CPM: variants seen among roughly 807,000 people sequenced by gnomAD.
The protein encoded by CPM is carboxypeptidase M.
Under a neutral mutation model 46.4 loss-of-function variants are expected in CPM, and 35 were observed. The ratio of observed to expected loss-of-function variants is 0.75; its 90% confidence interval spans 0.58 to 1.00. The LOEUF (loss-of-function observed/expected upper bound fraction) is 1.00, where lower values mean the gene tolerates loss of function less well. CPM is among the 50% of genes least tolerant of loss of function. The probability of loss-of-function intolerance (pLI) is 0.00; values close to 1 mark genes in which losing one functional copy is unlikely to be tolerated. For synonymous variants in CPM, 195 were observed against 195.3 expected (o/e 1.00, Z 0.01); for missense variants, 422 against 530.4 (o/e 0.80, Z 2.01).
intron 2 of CPM, among the ~76,000 whole-genome samples, chr12:68,915,826 A>C (rs552591158): frequency 1.9e-4 from 29 of 152,226 alleles, no homozygotes; most frequent in Non-Finnish European, 3.7e-4. Flanking sequence ...ATCACCTACC[A>C]AGATATCATT....
chr12:68,906,002 A>C lies in CPM; in HGVS notation c.161-20113T>G, dbSNP rs995112593. 3.3e-5 allele frequency among the ~76,000 whole-genome samples: 5 copies of C among 152,162 alleles called. No individual in the cohort carries two copies. The South Asian group carries it at 1.0e-3, about 32-fold the overall frequency. On this transcript the variant is annotated intron_variant, in intron 2 of 8. Transcript: ENST00000551568. ...TGTTTCTTGGCCTTGCTGCAAGAAC[A>C]CCTTGGCATGCAGGACTCAAGCATC...
rs1424980073 is a variant in CPM at position 68,855,341 on chromosome 12, A to T, written c.*1096T>A. On this transcript the variant is annotated 3_prime_UTR_variant, in exon 9 of 9. Transcript: ENST00000551568. ...ACATGATGGGTTGGAGGTACCTGTGAGTCACATCCAGGTGGATGTGTCCTG... is the reference window on the plus strand; with the variant it reads ...ACATGATGGGTTGGAGGTACCTGTGTGTCACATCCAGGTGGATGTGTCCTG... 6 of 152,262 alleles carry T rather than the reference A, an allele frequency of 3.9e-5. No homozygotes were observed. Among genetic ancestry groups the T allele is most frequent in the African/African-American group, 1.4e-4 (6 of 41,420 alleles). The allele number at this position is 152,262 out of a possible 1,614,324, so 9.4% of individuals were successfully genotyped here. A position where few individuals can be genotyped will look rare whatever the true frequency, so the allele number is the denominator to read the frequency against.
At chr12:68,860,934 G>A (rs1264306921) in intron 7 of CPM, among the ~76,000 whole-genome samples, 2 of 151,526 alleles carry the variant, frequency 1.3e-5, no homozygotes, top group Non-Finnish European at 2.9e-5. Flanking sequence ...AGGCTGGAGT[G>A]CAGTGGTGTG....
chr12:68,951,665 C>T (rs1888937195), intron 1 of CPM, among the ~76,000 whole-genome samples: 1 of 152,096 alleles, frequency 6.6e-6, no homozygotes, highest in South Asian at 2.1e-4. Context: ...GTGCCAGCCC[C>T]CACCACCAGC....
At chr12:68,937,741 C>T (rs911219829), upstream of CPM, among the ~76,000 whole-genome samples, 4 of 152,118 alleles carry the variant, frequency 2.6e-5, no homozygotes, top group South Asian at 6.2e-4. Context: ...TGCAAATCCA[C>T]GAGTTGCAAT....
At position 68,856,423 on chromosome 12, in the gene CPM, T is replaced by A. The variant is rs775049087; in HGVS notation, c.*14A>T. 1 of 1,609,908 alleles carries A rather than the reference T, an allele frequency of 6.2e-7. No individual in the cohort carries two copies. The highest frequency in any genetic ancestry group is 8.5e-7 in the Non-Finnish European group (1 of 1,177,534). ...ATTCCAGGTGGTGATGTGGGTTGAG[T>A]TTCACATTTTACTTTATTTGAAGAA... is the stretch of plus-strand genomic sequence containing the variant. On this transcript the variant is annotated 3_prime_UTR_variant, in exon 9 of 9. Coordinates refer to ENST00000551568, the MANE Select transcript of CPM (RefSeq NM_198320.5).
chr12:68,963,364 G>A (rs1473403394), upstream of CPM: 1 of 153,290 alleles, frequency 6.5e-6, no homozygotes, highest in Non-Finnish European at 1.5e-5. Flanking sequence ...CATACTTTTT[G>A]AACCTAAGCA....
chr12:68,945,387 C>T (rs1179595926), intron 1 of CPM, among the ~76,000 whole-genome samples: 1 of 152,172 alleles, frequency 6.6e-6, no homozygotes, highest in African/African-American at 2.4e-5. Flanking sequence ...TTCTTGCTGT[C>T]ATAATCTTTG....
At chr12:68,952,469 G>A (rs1414605556) in intron 1 of CPM, among the ~76,000 whole-genome samples, 3 of 152,178 alleles carry the variant, frequency 2.0e-5, no homozygotes, top group Non-Finnish European at 4.4e-5. Context: ...TGATCTGTGG[G>A]ACCCAGTGCA....
intron 2 of CPM, among the ~76,000 whole-genome samples, chr12:68,898,014 G>T: frequency 6.7e-6 from 1 of 148,182 alleles, no homozygotes; most frequent in African/African-American, 2.5e-5. Flanking sequence ...TGGCTAATTT[G>T]TGTATTTTTT....
In CPM at chr12:68,955,101, G is replaced by T. The variant is rs544633307; in HGVS notation, c.-4+8068C>A. 2.0e-5 allele frequency among the ~76,000 whole-genome samples: 3 copies of T among 152,252 alleles called. No individual in the cohort carries two copies. The East Asian group carries it at 5.8e-4, about 30-fold the overall frequency. ...CATGTTTGGCAGGTGTGGAATCCGG[G>T]CCAGTAGCACAAGCTGAGCACAGCC... is the stretch of plus-strand genomic sequence containing the variant. On this transcript the variant is annotated intron_variant, in intron 1 of 8. Transcript: ENST00000546373.
chr12:68,867,852 A>G (rs577646316), intron 6 of CPM, among the ~76,000 whole-genome samples: 2 of 152,302 alleles, frequency 1.3e-5, no homozygotes, highest in African/African-American at 4.8e-5. Flanking sequence ...TTTAAATAGC[A>G]AAACAGGCAG....
chr12:68,918,612 T>TAATCC (rs200988350), intron 2 of CPM, among the ~76,000 whole-genome samples: 220 of 151,698 alleles, frequency 1.5e-3, no homozygotes, highest in African/African-American at 3.4e-3. Flanking sequence ...CAATCCAATC[T>TAATCC]AATCCAATCC....
Position 68,853,733 on chromosome 12 carries a change from G to A in CPM, c.*2704C>T, listed in dbSNP as rs186828784. The A allele has an allele frequency of 6.3e-4, 96 of 151,678 alleles. No homozygotes were observed. The highest frequency in any genetic ancestry group is 2.2e-3 in the African/African-American group (89 of 41,304). 9.4% of individuals were successfully genotyped at this position (151,678 alleles called of 1,614,324 possible). A position where few individuals can be genotyped will look rare whatever the true frequency, so the allele number is the denominator to read the frequency against. The stretch of plus-strand genomic sequence containing the variant: ...GATTAAGTAAAAAAAAGAGAAAGAA[G>A]GATGGGAAGGGGAGGGAAGGGGAGG... On this transcript the variant is annotated 3_prime_UTR_variant, in exon 9 of 9. Transcript: ENST00000551568.
intron 2 of CPM, among the ~76,000 whole-genome samples, chr12:68,910,968 A>T (rs1874891): frequency 0.063 from 9,518 of 152,244 alleles, 605 homozygotes; most frequent in African/African-American, 0.16. Context: ...AATTTAGAAG[A>T]TGAAAAAAAA....
intron 1 of CPM, among the ~76,000 whole-genome samples, chr12:68,942,612 G>A (rs1426471949): frequency 6.6e-6 from 1 of 152,110 alleles, no homozygotes; most frequent in Non-Finnish European, 1.5e-5. Context: ...CTTGCTCCTA[G>A]GGAATACGAC....
chr12:68,926,862 T>G (rs1339404996), intron 2 of CPM, among the ~76,000 whole-genome samples: 1 of 152,200 alleles, frequency 6.6e-6, no homozygotes, highest in East Asian at 1.9e-4. Flanking sequence ...TGATTTCCAA[T>G]TTCATCCATG....
At chr12:68,935,532 C>T (rs1888660212), upstream of CPM, among the ~76,000 whole-genome samples, 1 of 152,090 alleles carries the variant, frequency 6.6e-6, no homozygotes, top group South Asian at 2.1e-4. Flanking sequence ...CTCAAGTGAT[C>T]CTTCTGCCTC....
chr12:68,933,484 C>T (rs1347068230), upstream of CPM, among the ~76,000 whole-genome samples: 1 of 152,128 alleles, frequency 6.6e-6, no homozygotes, highest in Non-Finnish European at 1.5e-5. Context: ...GTAGCCTGGG[C>T]AGCCACAGGG....
Sources: gnomAD v4.1 joint callset for allele counts (sites outside exome capture counted in the v4.1 genomes callset) on GRCh38, gnomAD v4.1.1 for gene constraint, MANE v1.5 for transcripts, NCBI Gene and HGNC (gene_info 2026-07-23, HGNC 2026-07-21) for gene names.